COL4A2: variants seen among roughly 807,000 people sequenced by gnomAD.
COL4A2 encodes collagen type IV alpha 2 chain, also known as collagen alpha-2(IV) chain.
Under a neutral mutation model 200.2 loss-of-function variants are expected in COL4A2, and 99 were observed. That is an observed-to-expected ratio of 0.49 (90% CI 0.42 to 0.58). The LOEUF (loss-of-function observed/expected upper bound fraction) is 0.58. Among genes scored for constraint, COL4A2 ranks in the 20% least tolerant of loss-of-function variants. The probability of loss-of-function intolerance (pLI) is 0.00; values close to 1 mark genes in which losing one functional copy is unlikely to be tolerated. For synonymous variants in COL4A2, 897 were observed against 900.6 expected (o/e 1.00, Z 0.07); for missense variants, 1,950 against 2,314.1 (o/e 0.84, Z 3.23).
At position 110,333,227 on chromosome 13, in the gene COL4A2, G is replaced by A. The variant is rs559321518; in HGVS notation, c.100-24245G>A. Among the ~76,000 whole-genome samples the A allele has an allele frequency of 2.0e-5, 3 of 152,286 alleles. No individual in the cohort carries two copies. The East Asian group carries it at 5.8e-4, about 29-fold the overall frequency. ...TACCTCTTTGAATGCTGCCTGCCTCGAGGTGTACCTCTCATCATCACAGAA... is the reference window on the plus strand; with the variant it reads ...TACCTCTTTGAATGCTGCCTGCCTCAAGGTGTACCTCTCATCATCACAGAA... On this transcript the variant is annotated intron_variant, in intron 3 of 47. Coordinates refer to ENST00000360467, the MANE Select transcript of COL4A2 (RefSeq NM_001846.4).
At position 110,512,367 on chromosome 13, in the gene COL4A2, C is replaced by T; in HGVS notation, c.*176C>T. On this transcript the variant is annotated 3_prime_UTR_variant, in exon 48 of 48. Coordinates refer to ENST00000360467, the MANE Select transcript of COL4A2 (RefSeq NM_001846.4). ...CACTGTCACCGAGCGGGTGCAAGCA[C>T]TCGGGGTCCCTGGAGGGCAAGCCCT... The T allele has an allele frequency of 8.9e-7, 1 of 1,118,938 alleles. No individual in the cohort carries two copies. Among genetic ancestry groups the T allele is most frequent in the South Asian group, 1.7e-5 (1 of 59,098 alleles). 69.3% of individuals were successfully genotyped at this position (1,118,938 alleles called of 1,614,324 possible).
intron 4 of COL4A2, among the ~76,000 whole-genome samples, chr13:110,380,851 C>G (rs1307818499): frequency 6.8e-6 from 1 of 147,718 alleles, no homozygotes; most frequent in Non-Finnish European, 1.5e-5. Flanking sequence ...CCACAGAGCT[C>G]TATCTCACAC....
chr13:110,480,094 A>G (rs539346692), intron 30 of COL4A2, 126 bp from the exon 31 acceptor site: 57 of 1,068,084 alleles, frequency 5.3e-5, no homozygotes, highest in Non-Finnish European at 7.1e-5. Context: ...TCACCCCAAC[A>G]TGGTGGTTTT....
intron 28 of COL4A2, among the ~76,000 whole-genome samples, chr13:110,472,178 C>G (rs926848376): frequency 2.8e-5 from 4 of 145,012 alleles, no homozygotes; most frequent in Non-Finnish European, 4.5e-5. Flanking sequence ...TGCAGTGGTG[C>G]GATCTTGGCT....
chr13:110,505,579 TGGAAGG>T (rs1883833121), intron 45 of COL4A2, among the ~76,000 whole-genome samples: 1 of 151,910 alleles, frequency 6.6e-6, no homozygotes, highest in African/African-American at 2.4e-5. Context: ...GGGTGTCCCT[TGGAAGG>T]GGAGGGGACA....
intron 3 of COL4A2, among the ~76,000 whole-genome samples, chr13:110,322,083 A>T (rs1885290857): frequency 6.6e-6 from 1 of 152,218 alleles, no homozygotes; most frequent in African/African-American, 2.4e-5. Context: ...CTTATTTTTA[A>T]ACTCAGTTTT....
intron 3 of COL4A2, among the ~76,000 whole-genome samples, chr13:110,347,743 AGGT>A (rs1382211536): frequency 6.6e-6 from 1 of 152,226 alleles, no homozygotes; most frequent in Non-Finnish European, 1.5e-5. Flanking sequence ...CGGCTGTCAG[AGGT>A]GGCCCTGCCA....
chr13:110,429,828 G>T, intron 7 of COL4A2, 57 bp from the exon 8 acceptor site: 2 of 1,544,680 alleles, frequency 1.3e-6, no homozygotes, highest in South Asian at 1.1e-5. Flanking sequence ...TAGCTGCACC[G>T]AATGTTAATG....
intron 4 of COL4A2, among the ~76,000 whole-genome samples, chr13:110,360,917 G>A (rs1420508899): frequency 1.3e-5 from 2 of 152,198 alleles, no homozygotes; most frequent in Non-Finnish European, 2.9e-5. Flanking sequence ...CACCTGGGCC[G>A]AGGCCCGTGC....
At chr13:110,408,500 C>T (rs1463207168) in intron 4 of COL4A2, among the ~76,000 whole-genome samples, 2 of 152,214 alleles carry the variant, frequency 1.3e-5, no homozygotes, top group African/African-American at 4.8e-5. Flanking sequence ...AAGTCCTGCC[C>T]CTTCTCCCGC....
At chr13:110,474,871 C>T (rs1486891580) in intron 29 of COL4A2, among the ~76,000 whole-genome samples, 1 of 122,654 alleles carries the variant, frequency 8.2e-6, no homozygotes, top group Non-Finnish European at 1.7e-5. Context: ...ACACTCCATA[C>T]ACACACGTAC....
At chr13:110,353,920 T>G (rs1476014772) in intron 3 of COL4A2, among the ~76,000 whole-genome samples, 2 of 152,190 alleles carry the variant, frequency 1.3e-5, no homozygotes. Flanking sequence ...AGAAAAGTGT[T>G]ACTGGGAGGT....
chr13:110,433,373 A>ATGTTT (rs1880755306), intron 11 of COL4A2, among the ~76,000 whole-genome samples: 1 of 152,226 alleles, frequency 6.6e-6, no homozygotes, highest in African/African-American at 2.4e-5. Context: ...TGCGGCAAAC[A>ATGTTT]TCAACAGCCC....
Position 110,428,584 on chromosome 13 carries a change from G to A in COL4A2, c.477+1G>A, listed in dbSNP as rs1447989149. ...CTCTGAGGGGTTCACCGGGCCTCCC[G>A]TGAGTATCCCCACAGCGCCTGTGCT... On this transcript the variant is annotated splice_donor_variant, in intron 7 of 47. Coordinates refer to ENST00000360467, the MANE Select transcript of COL4A2 (RefSeq NM_001846.4). LOFTEE classifies it high-confidence loss of function. 7.3e-6 allele frequency: 11 copies of A among 1,511,308 alleles called. No homozygotes were observed. Among genetic ancestry groups the A allele is most frequent in the African/African-American group, 2.9e-5 (2 of 69,220 alleles). 93.6% of individuals were successfully genotyped at this position (1,511,308 alleles called of 1,614,324 possible). A position where few individuals can be genotyped will look rare whatever the true frequency, so the allele number is the denominator to read the frequency against.
chr13:110,403,242 A>G (rs372099616), intron 4 of COL4A2, among the ~76,000 whole-genome samples: 10 of 152,188 alleles, frequency 6.6e-5, no homozygotes, highest in African/African-American at 1.9e-4. Context: ...AGAATTTTCT[A>G]AATCTTTCAG....
At chr13:110,411,039 G>A (rs770156149) in intron 4 of COL4A2, among the ~76,000 whole-genome samples, 1 of 152,044 alleles carries the variant, frequency 6.6e-6, no homozygotes, top group Non-Finnish European at 1.5e-5. Context: ...CCTCACTCAC[G>A]GCCTGTGGGG....
At chr13:110,336,673 G>A (rs1184607261) in intron 3 of COL4A2, among the ~76,000 whole-genome samples, 2 of 152,176 alleles carry the variant, frequency 1.3e-5, no homozygotes, top group Non-Finnish European at 2.9e-5. Flanking sequence ...GCAGGACATG[G>A]ACCTCAGGGG....
intron 11 of COL4A2, among the ~76,000 whole-genome samples, chr13:110,432,810 T>G (rs1451693011): frequency 1.3e-5 from 2 of 152,234 alleles, no homozygotes; most frequent in African/African-American, 4.8e-5. Flanking sequence ...TAGGGATATA[T>G]TCAGTGATAA....
At chr13:110,308,441 G>C (rs941592457) in intron 3 of COL4A2, among the ~76,000 whole-genome samples, 17 of 152,064 alleles carry the variant, frequency 1.1e-4, no homozygotes, top group African/African-American at 3.9e-4. Flanking sequence ...GGCCAGGAAA[G>C]TGTGTCAGTC....
Sources: gnomAD v4.1 joint callset for allele counts (sites outside exome capture counted in the v4.1 genomes callset) on GRCh38, gnomAD v4.1.1 for gene constraint, MANE v1.5 for transcripts, NCBI Gene and HGNC (gene_info 2026-07-23, HGNC 2026-07-21) for gene names.